Variants in TUT7 observed in about 807,000 individuals in gnomAD.
The protein encoded by TUT7 is terminal uridylyl transferase 7, also known as terminal uridylyltransferase 7.
Under a neutral mutation model 165.9 loss-of-function variants are expected in TUT7, and 33 were observed. That is an observed-to-expected ratio of 0.20 (90% CI 0.15 to 0.27). The LOEUF is 0.27. Among genes scored for constraint, TUT7 ranks in the 10% least tolerant of loss-of-function variants. The probability of loss-of-function intolerance (pLI) is 1.00; values close to 1 mark genes in which losing one functional copy is unlikely to be tolerated. For missense variants in TUT7, 1,338 were observed against 1,762.3 expected (o/e 0.76, Z 4.31); for synonymous variants, 552 against 608.1 (o/e 0.91, Z 1.36).
intron 2 of TUT7, among the ~76,000 whole-genome samples, chr9:86,349,560 C>T (rs1181338716): frequency 2.6e-5 from 4 of 151,846 alleles, no homozygotes; most frequent in Admixed American, 6.5e-5. Flanking sequence ...AAGGTAGTAC[C>T]GTATGTGGGG....
chr9:86,345,512 A>T (rs970615572), intron 4 of TUT7, among the ~76,000 whole-genome samples, 157 bp downstream of exon 4: 1 of 152,262 alleles, frequency 6.6e-6, no homozygotes, highest in Non-Finnish European at 1.5e-5. Flanking sequence ...CCAGTAAAAT[A>T]CATCTGACCA....
At chr9:86,301,814 A>G (rs779776186) in intron 25 of TUT7, 14 of 985,430 alleles carry the variant, frequency 1.4e-5, no homozygotes, top group Non-Finnish European at 1.6e-5. Flanking sequence ...CTTCATTTTC[A>G]AAGTTGCTCT....
chr9:86,339,914 AC>A (rs780009683), intron 8 of TUT7, 121 bp downstream of exon 8: 64 of 734,488 alleles, frequency 8.7e-5, no homozygotes, highest in Non-Finnish European at 1.3e-4. Context: ...GTTAGTAGGA[AC>A]CATGTGTGAT....
At chr9:86,318,809 T>A (rs980127725) in intron 16 of TUT7, 149 bp downstream of exon 16, 1 of 524,678 alleles carries the variant, frequency 1.9e-6, no homozygotes, top group Non-Finnish European at 3.4e-6. Flanking sequence ...TTTCCAAGCC[T>A]CTTAATGTAT....
chr9:86,331,936 G>A (rs1242650031), intron 10 of TUT7, among the ~76,000 whole-genome samples: 1 of 152,102 alleles, frequency 6.6e-6, no homozygotes, highest in Non-Finnish European at 1.5e-5. Flanking sequence ...AAAAGTTTGG[G>A]TAAAGGGCAT....
At chr9:86,340,964 C>T in intron 7 of TUT7, 38 bp downstream of exon 7, 1 of 1,509,576 alleles carries the variant, frequency 6.6e-7, no homozygotes, top group Non-Finnish European at 9.2e-7. Flanking sequence ...AAATTATAGA[C>T]AACATAAAAA....
chr9:86,294,687 TATTA>T (rs1428491560), intron 26 of TUT7, among the ~76,000 whole-genome samples: 2 of 151,584 alleles, frequency 1.3e-5, no homozygotes, highest in Non-Finnish European at 2.9e-5. Flanking sequence ...TCATCTTTCT[TATTA>T]AAGTCGTTGT....
chr9:86,296,037 T>C lies in TUT7; in HGVS notation c.4420+5239A>G, dbSNP rs562298511. ...TGGTACCACAATCTCTACATACTTATGTTAAAAATTTCCATTATTTGTTTG... is the reference window on the plus strand; with the variant it reads ...TGGTACCACAATCTCTACATACTTACGTTAAAAATTTCCATTATTTGTTTG... On this transcript the variant is annotated intron_variant, in intron 26 of 26. Coordinates refer to ENST00000375963, the MANE Select transcript of TUT7 (RefSeq NM_024617.4). Among the ~76,000 whole-genome samples, 75 of 152,310 alleles carry C rather than the reference T, an allele frequency of 4.9e-4. No individual in the cohort carries two copies. The South Asian group carries it at 0.015, about 30-fold the overall frequency.
chr9:86,347,467 T>C (rs1831874246), intron 2 of TUT7, among the ~76,000 whole-genome samples: 1 of 152,156 alleles, frequency 6.6e-6, no homozygotes, highest in Admixed American at 6.6e-5. Context: ...CATGAAGTAA[T>C]TCCTCCATCA....
At chr9:86,341,856 C>T (rs1831356015) in intron 6 of TUT7, among the ~76,000 whole-genome samples, 1 of 152,078 alleles carries the variant, frequency 6.6e-6, no homozygotes, top group African/African-American at 2.4e-5. Context: ...TATCCCTGAA[C>T]CTTTACCTGC....
chr9:86,350,234 G>A (rs1461245944), intron 2 of TUT7, among the ~76,000 whole-genome samples: 1 of 152,162 alleles, frequency 6.6e-6, no homozygotes, highest in Non-Finnish European at 1.5e-5. Flanking sequence ...AGGAGGCTGA[G>A]GCAAGAGAAT....
At chr9:86,348,387 C>T (rs770325910) in intron 2 of TUT7, among the ~76,000 whole-genome samples, 6 of 152,120 alleles carry the variant, frequency 3.9e-5, no homozygotes, top group African/African-American at 9.7e-5. Context: ...GGGGACAATG[C>T]GAATCCAAGA....
Position 86,317,289 on chromosome 9 carries a change from A to G in TUT7, c.3217-13T>C, listed in dbSNP as rs1363551006. The G allele has an allele frequency of 6.2e-7, 1 of 1,611,416 alleles. No homozygotes were observed. The highest frequency in any genetic ancestry group is 1.1e-5 in the South Asian group (1 of 90,528). ...CACAGTCCAATCCCTACAACAAAGA[A>G]GGCATAAAGAACTTAACCAAAACTG... On this transcript the variant is annotated splice_polypyrimidine_tract_variant and intron_variant, in intron 16 of 26. Transcript: ENST00000375963.
chr9:86,344,986 T>A lies in TUT7; in HGVS notation c.988A>T (p.Lys330Ter). The A allele has an allele frequency of 6.2e-7, 1 of 1,610,440 alleles. No homozygotes were observed. The highest frequency in any genetic ancestry group is 8.5e-7 in the Non-Finnish European group (1 of 1,178,634). ...CAAATCTAGAAAATACCTGGTAACT[T>A]GTGTTGGAACACATTTTCCATGATA... ...KRIMENVFQHKLPDCSLRLYG... is the reference protein window; with the variant it reads ...KRIMENVFQH Residue 330 changes from lysine (K) to a stop codon, truncating the protein, a stop_gained, in exon 5 of 27, where the codon AAG (lysine) becomes TAG (stop). Coordinates refer to ENST00000375963, the MANE Select transcript of TUT7 (RefSeq NM_024617.4). LOFTEE classifies it high-confidence loss of function.
intron 26 of TUT7, chr9:86,298,908 A>C: frequency 2.8e-6 from 2 of 714,420 alleles, no homozygotes; most frequent in Non-Finnish European, 3.4e-6. Context: ...AACCATATCC[A>C]AGGAGAGCTG....
intron 2 of TUT7, among the ~76,000 whole-genome samples, chr9:86,350,377 C>T (rs982342959): frequency 6.6e-6 from 1 of 152,206 alleles, no homozygotes; most frequent in Non-Finnish European, 1.5e-5. Flanking sequence ...TCAAGATCAA[C>T]TTCTACAAGA....
chr9:86,301,776 C>T, intron 25 of TUT7, 175 bp from the exon 26 acceptor site: 1 of 985,360 alleles, frequency 1.0e-6, no homozygotes. Flanking sequence ...AAGATGCTCC[C>T]TCAGGGTTTA....
chr9:86,326,611 A>G (rs1306664600), intron 11 of TUT7: 1 of 154,430 alleles, frequency 6.5e-6, no homozygotes, highest in East Asian at 1.9e-4. Flanking sequence ...AGAAATCCAT[A>G]TATCACTGAA....
At chr9:86,348,587 T>C (rs1423483056) in intron 2 of TUT7, among the ~76,000 whole-genome samples, 1 of 151,938 alleles carries the variant, frequency 6.6e-6, no homozygotes, top group Non-Finnish European at 1.5e-5. Context: ...ATGTCATCTC[T>C]AGCAAAAATG....
Sources: gnomAD v4.1 joint callset for allele counts (sites outside exome capture counted in the v4.1 genomes callset) on GRCh38, gnomAD v4.1.1 for gene constraint, MANE v1.5 for transcripts, NCBI Gene and HGNC (gene_info 2026-07-23, HGNC 2026-07-21) for gene names.